Variants in DUSP10 observed in about 807,000 individuals in gnomAD.
The protein encoded by DUSP10 is dual specificity phosphatase 10, also known as dual specificity protein phosphatase 10.
DUSP10 carries 14 observed loss-of-function variants against 30.8 expected under a neutral mutation model. The observed-to-expected ratio is 0.46, with a 90% CI of 0.30 to 0.71. The LOEUF (loss-of-function observed/expected upper bound fraction) is 0.71. DUSP10 is among the 30% of genes least tolerant of loss of function. DUSP10 has a pLI of 0.08. For missense variants in DUSP10, 550 were observed against 619.4 expected (o/e 0.89, Z 1.19); for synonymous variants, 254 against 250.4 (o/e 1.01, Z -0.14).
chr1:221,739,138 G>C lies in DUSP10; in HGVS notation c.607C>G (p.Arg203Gly), dbSNP rs372477751. Residue 203 changes from arginine (R) to glycine (G), a missense_variant, in exon 2 of 4, where the codon CGG becomes GGG. Transcript: ENST00000366899. Reference sequence around the variant, plus strand: ...GTGATCTTGCCCTGCTGCAGTCTCCGCCGGCTGATCTTATCGGCACAGTTA... The same window carrying C: ...GTGATCTTGCCCTGCTGCAGTCTCCCCCGGCTGATCTTATCGGCACAGTTA... ...HINCADKISRRRLQQGKITVL... is the reference protein window; with the variant it reads ...HINCADKISRGRLQQGKITVL... 2 of 1,614,186 alleles carry C rather than the reference G, an allele frequency of 1.2e-6. No homozygotes were observed. The highest frequency in any genetic ancestry group is 2.2e-5 in the East Asian group (1 of 44,890).
intron 2 of DUSP10, among the ~76,000 whole-genome samples, chr1:221,724,554 T>A (rs1392120742): frequency 2.0e-5 from 3 of 152,174 alleles, no homozygotes; most frequent in African/African-American, 7.2e-5. Flanking sequence ...CTGGCCCCAT[T>A]TCAAGTGCTC....
At chr1:221,722,735 A>G (rs372975225) in intron 2 of DUSP10, among the ~76,000 whole-genome samples, 1 of 152,304 alleles carries the variant, frequency 6.6e-6, no homozygotes, top group East Asian at 1.9e-4. Context: ...CTGGTGACCT[A>G]AGAGGGCCTT....
intron 2 of DUSP10, chr1:221,737,154 G>T: frequency 2.0e-6 from 2 of 985,404 alleles, no homozygotes; most frequent in Non-Finnish European, 2.4e-6. Flanking sequence ...AGTAGGGTCT[G>T]CAACTCCTTG....
In DUSP10 at chr1:221,739,392, A is replaced by T; in HGVS notation, c.353T>A (p.Val118Asp). The T allele has an allele frequency of 6.2e-7, 1 of 1,613,918 alleles. No homozygotes were observed. The highest frequency in any genetic ancestry group is 8.5e-7 in the Non-Finnish European group (1 of 1,179,958). ...AGAGCCTGTATTCTCATTATTGTTG[A>T]CCATCTGGTTAGCAGGGCAGGTGGT... ...TSTTCPANQM[V>D]NNNENTGSLS... Residue 118 changes from valine to aspartate, a missense_variant, in exon 2 of 4, where the codon GTC (valine) becomes GAC (aspartate). Val to Asp is a radical substitution (Grantham distance 152). Transcript: ENST00000366899.
intron 3 of DUSP10, among the ~76,000 whole-genome samples, chr1:221,705,894 T>C (rs76949474): frequency 1.3e-5 from 2 of 152,220 alleles, no homozygotes; most frequent in Admixed American, 6.5e-5. Flanking sequence ...TGTCCTTTTA[T>C]ATCCATCCTG....
At chr1:221,731,053 T>C (rs1661575150) in intron 2 of DUSP10, among the ~76,000 whole-genome samples, 1 of 152,188 alleles carries the variant, frequency 6.6e-6, no homozygotes, top group Non-Finnish European at 1.5e-5. Flanking sequence ...ACTCATTTTC[T>C]CTTCCTATAT....
At chr1:221,703,137 G>T (rs1170871066) in intron 3 of DUSP10, among the ~76,000 whole-genome samples, 2 of 151,912 alleles carry the variant, frequency 1.3e-5, no homozygotes, top group Admixed American at 1.3e-4. Context: ...AGAGGAAGGG[G>T]AAAAATTATA....
At chr1:221,717,863 T>C (rs1295235369) in intron 2 of DUSP10, among the ~76,000 whole-genome samples, 1 of 152,062 alleles carries the variant, frequency 6.6e-6, no homozygotes, top group East Asian at 1.9e-4. Context: ...AAAATAACTT[T>C]CTGTTGTTTA....
chr1:221,726,823 G>A (rs747604095), intron 2 of DUSP10, among the ~76,000 whole-genome samples: 1 of 151,948 alleles, frequency 6.6e-6, no homozygotes, highest in Non-Finnish European at 1.5e-5. Flanking sequence ...TACTTGTACT[G>A]CATTAGTGGT....
intron 2 of DUSP10, among the ~76,000 whole-genome samples, chr1:221,721,481 G>T (rs536190570): frequency 6.6e-6 from 1 of 152,176 alleles, no homozygotes; most frequent in Admixed American, 6.5e-5. Flanking sequence ...TGCAGGACTC[G>T]CCAGGTGAAT....
chr1:221,736,992 C>G (rs1037683108), intron 2 of DUSP10: 32 of 985,388 alleles, frequency 3.2e-5, no homozygotes, highest in Non-Finnish European at 3.6e-6. Flanking sequence ...TACTCTGACA[C>G]TGAGGAAGAA....
chr1:221,728,801 C>A (rs1558124419), intron 2 of DUSP10, among the ~76,000 whole-genome samples: 1 of 152,134 alleles, frequency 6.6e-6, no homozygotes, highest in Non-Finnish European at 1.5e-5. Context: ...TTCTTTTTAC[C>A]TAACTTTGTA....
intron 2 of DUSP10, among the ~76,000 whole-genome samples, chr1:221,719,548 C>T (rs1439912909): frequency 6.6e-6 from 1 of 152,172 alleles, no homozygotes; most frequent in Non-Finnish European, 1.5e-5. Context: ...ATTAAAAACA[C>T]TGCTTGTCTC....
At chr1:221,710,231 C>T (rs1382226545) in intron 2 of DUSP10, among the ~76,000 whole-genome samples, 1 of 152,168 alleles carries the variant, frequency 6.6e-6, no homozygotes, top group Admixed American at 6.5e-5. Context: ...GATCTATGCA[C>T]ACGCATAGTC....
At chr1:221,708,486 T>C (rs536325436) in intron 2 of DUSP10, among the ~76,000 whole-genome samples, 4 of 152,374 alleles carry the variant, frequency 2.6e-5, no homozygotes, top group Admixed American at 1.3e-4. Flanking sequence ...ATGTTCACTT[T>C]ACTCATTGAA....
At chr1:221,731,974 C>T (rs568828945) in intron 2 of DUSP10, among the ~76,000 whole-genome samples, 32 of 152,162 alleles carry the variant, frequency 2.1e-4, no homozygotes, top group African/African-American at 7.2e-4. Flanking sequence ...AACAAAATTT[C>T]GTGAAGATGA....
intron 3 of DUSP10, among the ~76,000 whole-genome samples, chr1:221,705,011 T>C (rs1217890097): frequency 6.6e-6 from 1 of 152,030 alleles, no homozygotes; most frequent in African/African-American, 2.4e-5. Context: ...GGAAAAGTAC[T>C]AGGCCACCCC....
Position 221,709,973 on chromosome 1 carries a change from C to G in DUSP10, c.812-3507G>C, listed in dbSNP as rs182857969. Among the ~76,000 whole-genome samples, 4 of 152,192 alleles carry G rather than the reference C, an allele frequency of 2.6e-5. No individual in the cohort carries two copies. The East Asian group carries it at 7.7e-4, about 29-fold the overall frequency. ...AGCAGTGTAGCATGGAGGTTAAGAG[C>G]AAAGGTCAGAGACAAACCACACCTA... On this transcript the variant is annotated intron_variant, in intron 2 of 3. Transcript: ENST00000366899.
At chr1:221,724,065 G>C (rs564786800) in intron 2 of DUSP10, among the ~76,000 whole-genome samples, 1 of 152,284 alleles carries the variant, frequency 6.6e-6, no homozygotes, top group South Asian at 2.1e-4. Flanking sequence ...CCTAACACTC[G>C]GGGAGTTCCA....
Sources: allele counts gnomAD v4.1 joint callset (sites outside exome capture counted in the v4.1 genomes callset), GRCh38; gene constraint gnomAD v4.1.1; transcripts MANE v1.5; gene names NCBI Gene and HGNC (gene_info 2026-07-23, HGNC 2026-07-21).